RRP12: variants seen among roughly 807,000 people sequenced by gnomAD.
RRP12 encodes RRP12-like protein.
A neutral mutation model predicts 157.3 loss-of-function variants in RRP12; 78 were observed. The ratio of observed to expected loss-of-function variants is 0.50; its 90% CI spans 0.41 to 0.60. The LOEUF is 0.60. Ranked by LOEUF, RRP12 falls within the 20% of genes least tolerant of loss-of-function variation. RRP12 has a pLI of 0.00. For synonymous variants in RRP12, 726 were observed against 670.9 expected (o/e 1.08, Z -1.27); for missense variants, 1,521 against 1,679.9 (o/e 0.91, Z 1.65).
chr10:97,378,918 T>C (rs1212034835), intron 15 of RRP12, among the ~76,000 whole-genome samples: 1 of 152,178 alleles, frequency 6.6e-6, no homozygotes, highest in Non-Finnish European at 1.5e-5. Flanking sequence ...TATAAAAGTA[T>C]ATATACATAT....
chr10:97,365,769 A>AG (rs1400015714), intron 29 of RRP12: 1 of 212,594 alleles, frequency 4.7e-6, no homozygotes, highest in Non-Finnish European at 9.4e-6. Flanking sequence ...TTTGCATTAA[A>AG]AAAAAAAAAA....
intron 8 of RRP12, 118 bp from the exon 9 acceptor site, chr10:97,386,111 CCA>C: frequency 1.6e-6 from 1 of 642,854 alleles, no homozygotes. Context: ...CACATGCCCC[CCA>C]CACAGAGACA....
Position 97,385,150 on chromosome 10 carries a change from C to T in RRP12, c.1208+16G>A, listed in dbSNP as rs369696408. ...AGCCTGGACAGAGGCCCTAAGCACC[C>T]CTCCTTCATCCGTACCTCACCAGGT... On this transcript the variant is annotated intron_variant, in intron 10 of 33. Coordinates refer to ENST00000370992, the MANE Select transcript of RRP12 (RefSeq NM_015179.4). 82 of 1,598,064 alleles carry T rather than the reference C, an allele frequency of 5.1e-5. No individual in the cohort carries two copies. The African/African-American group carries it at 1.0e-3, about 20-fold the overall frequency.
chr10:97,376,987 C>T (rs117180158), intron 15 of RRP12, among the ~76,000 whole-genome samples: 1,861 of 151,308 alleles, frequency 0.012, 26 homozygotes, highest in Non-Finnish European at 0.018. Context: ...TCCAAGCGTT[C>T]TCCTGCCTCA....
intron 15 of RRP12, among the ~76,000 whole-genome samples, chr10:97,375,001 T>C (rs937610623): frequency 2.6e-5 from 4 of 152,140 alleles, no homozygotes; most frequent in Non-Finnish European, 5.9e-5. Context: ...CCACGAACTG[T>C]GGAGCGGCGG....
At chr10:97,372,004 G>A in intron 20 of RRP12, 69 bp downstream of exon 20, 1 of 1,075,796 alleles carries the variant, frequency 9.3e-7, no homozygotes, top group East Asian at 2.4e-5. Context: ...ATGAAGACAG[G>A]CCCCACCTTC....
rs1222989028 is a variant in RRP12 at position 97,357,092 on chromosome 10, C to CCTCAG, written c.3891_*1dup. ...CACAGGGCAGCCCAGGGGCCCTGGG[C>CCTCAG]CTCAGGGTCGACGATCCTTTCTGCG... On this transcript the variant is annotated 3_prime_UTR_variant, in exon 34 of 34. Transcript: ENST00000370992. 6.3e-7 allele frequency: 1 copy of CCTCAG among 1,599,786 alleles called. No homozygotes were observed.
At chr10:97,363,112 A>G (rs942731148) in intron 30 of RRP12, among the ~76,000 whole-genome samples, 1 of 152,196 alleles carries the variant, frequency 6.6e-6, no homozygotes, top group Admixed American at 6.5e-5. Context: ...CTATACCCTG[A>G]TGTAGGCTCT....
chr10:97,366,503 CCT>C lies in RRP12; in HGVS notation c.3332_3333del (p.Glu1111GlyfsTer65). 6.2e-7 allele frequency: 1 copy of C among 1,614,064 alleles called. No individual in the cohort carries two copies. Among genetic ancestry groups the C allele is most frequent in the South Asian group, 1.1e-5 (1 of 91,074 alleles). ...ARQRSRAWLK[E>X]GGGDEPLNFL... Reference sequence around the variant, plus strand: ...AAGTTGAGGGGCTCGTCCCCACCGCCCTCTTTCAGCCATGCCCGGCTCCTCTG... The same window carrying C: ...AAGTTGAGGGGCTCGTCCCCACCGCCCTTTCAGCCATGCCCGGCTCCTCTG... On this transcript the variant is annotated frameshift_variant, in exon 28 of 34. Transcript: ENST00000370992. LOFTEE classifies it high-confidence loss of function.
chr10:97,374,588 T>C (rs976788036), intron 15 of RRP12, among the ~76,000 whole-genome samples: 38 of 151,742 alleles, frequency 2.5e-4, no homozygotes, highest in Admixed American at 1.5e-3. Context: ...CTGGCTAACA[T>C]GGTGAAACCC....
rs1844118641 is a variant in RRP12 at position 97,370,570 on chromosome 10, ACAAC to A, written c.2584-14_2584-11del. On this transcript the variant is annotated splice_polypyrimidine_tract_variant and intron_variant, in intron 22 of 33. Coordinates refer to ENST00000370992, the MANE Select transcript of RRP12 (RefSeq NM_015179.4). ...TGGTGCACAGGATCACCTGGCCAAG[ACAAC>A]TCCATCAGCATCTGCTCCCTGAGCC... 6.2e-7 allele frequency: 1 copy of A among 1,608,714 alleles called. No homozygotes were observed. The highest frequency in any genetic ancestry group is 8.5e-7 in the Non-Finnish European group (1 of 1,177,094).
At chr10:97,379,037 G>T (rs142624792) in intron 15 of RRP12, among the ~76,000 whole-genome samples, 1 of 152,364 alleles carries the variant, frequency 6.6e-6, no homozygotes, top group Admixed American at 6.5e-5. Flanking sequence ...GGCCCAGTTG[G>T]GGCAGCTCCA....
chr10:97,366,968 T>TA, intron 26 of RRP12, 59 bp from the exon 27 acceptor site: 1 of 1,609,438 alleles, frequency 6.2e-7, no homozygotes, highest in Non-Finnish European at 8.5e-7. Context: ...GACCCAGATG[T>TA]AGTGTCCCTG....
At position 97,381,339 on chromosome 10, in the gene RRP12, C is replaced by G. The variant is rs1359584979; in HGVS notation, c.1418+47G>C. ...GAGCATTCGTATTATATAGAACTTTCCTCAAGGTACCACCATCCCTTCCTA... is the reference window on the plus strand; with the variant it reads ...GAGCATTCGTATTATATAGAACTTTGCTCAAGGTACCACCATCCCTTCCTA... On this transcript the variant is annotated intron_variant, in intron 12 of 33. Transcript: ENST00000370992. 8.6e-6 allele frequency: 12 copies of G among 1,402,214 alleles called. No individual in the cohort carries two copies. In the Admixed American group the frequency reaches 2.4e-4, roughly 28 times the overall value. The allele number at this position is 1,402,214 out of a possible 1,614,324, so 86.9% of individuals were successfully genotyped here. A position where few individuals can be genotyped will look rare whatever the true frequency, so the allele number is the denominator to read the frequency against.
intron 10 of RRP12, among the ~76,000 whole-genome samples, chr10:97,384,771 G>A (rs571063270): frequency 6.6e-6 from 1 of 150,494 alleles, no homozygotes; most frequent in Admixed American, 6.6e-5. Context: ...TGGAGACCCT[G>A]AGGACCCCCA....
intron 3 of RRP12, 38 bp downstream of exon 3, chr10:97,396,180 C>A: frequency 7.0e-7 from 1 of 1,433,816 alleles, no homozygotes; most frequent in Non-Finnish European, 9.8e-7. Flanking sequence ...GCATAACCTG[C>A]TGCTCTGAAC....
At chr10:97,360,459 G>A (rs1589408208) in intron 31 of RRP12, 87 bp downstream of exon 31, 1 of 1,072,130 alleles carries the variant, frequency 9.3e-7, no homozygotes, top group East Asian at 2.4e-5. Context: ...GCACCCTCAT[G>A]GCCCTGCCAC....
intron 25 of RRP12, among the ~76,000 whole-genome samples, chr10:97,369,157 A>T (rs997886736): frequency 7.9e-5 from 12 of 152,028 alleles, no homozygotes; most frequent in Non-Finnish European, 1.5e-4. Context: ...CTGTAAAATG[A>T]GGAGTGGCCC....
chr10:97,395,551 C>CA (rs879295022), intron 3 of RRP12, among the ~76,000 whole-genome samples: 1,689 of 118,062 alleles, frequency 0.014, 9 homozygotes, highest in Non-Finnish European at 0.021. Context: ...GACTCTGTTT[C>CA]AAAAAAAAAA....
Sources: allele counts gnomAD v4.1 joint callset (sites outside exome capture counted in the v4.1 genomes callset), GRCh38; gene constraint gnomAD v4.1.1; transcripts MANE v1.5; gene names NCBI Gene and HGNC (gene_info 2026-07-23, HGNC 2026-07-21).